EML4: variants seen among roughly 807,000 people sequenced by gnomAD.
The protein encoded by EML4 is echinoderm microtubule-associated protein-like 4.
A neutral mutation model predicts 129.0 loss-of-function variants in EML4; 72 were observed. The ratio of observed to expected loss-of-function variants is 0.56; its 90% CI spans 0.46 to 0.68. The LOEUF (loss-of-function observed/expected upper bound fraction) is 0.68. EML4 is among the 30% of genes least tolerant of loss of function. The pLI, the probability that EML4 is intolerant of heterozygous loss-of-function variation, is 0.00. For synonymous variants in EML4, 532 were observed against 405.0 expected (o/e 1.31, Z -3.77); for missense variants, 1,363 against 1,190.6 (o/e 1.14, Z -2.13).
At chr2:42,277,173 AC>A (rs1666703071) in intron 6 of EML4, among the ~76,000 whole-genome samples, 2 of 152,358 alleles carry the variant, frequency 1.3e-5, no homozygotes, top group South Asian at 4.1e-4. Context: ...TTTATGATGT[AC>A]ACCTCTGATA....
chr2:42,212,334 A>G (rs1482465290), intron 1 of EML4, among the ~76,000 whole-genome samples: 1 of 152,192 alleles, frequency 6.6e-6, no homozygotes, highest in East Asian at 1.9e-4. Context: ...TGAAATTTGA[A>G]CTAGTGTATA....
At position 42,332,320 on chromosome 2, in the gene EML4, G is replaced by A. The variant is rs947455311; in HGVS notation, c.*2113G>A. 1.0e-4 allele frequency: 22 copies of A among 210,804 alleles called. No individual in the cohort carries two copies. Among genetic ancestry groups the A allele is most frequent in the African/African-American group, 3.9e-4 (17 of 44,070 alleles). 13.1% of individuals were successfully genotyped at this position (210,804 alleles called of 1,614,324 possible). Reference sequence around the variant, plus strand: ...CTACTAATACGCAGGAAGCGTTCCAGCTATTTAATGCTGGCAACTACTGTT... The same window carrying A: ...CTACTAATACGCAGGAAGCGTTCCAACTATTTAATGCTGGCAACTACTGTT... On this transcript the variant is annotated 3_prime_UTR_variant, in exon 23 of 23. Transcript: ENST00000318522.
intron 13 of EML4, among the ~76,000 whole-genome samples, chr2:42,296,036 T>C (rs749776257): frequency 2.6e-5 from 4 of 152,232 alleles, no homozygotes; most frequent in Admixed American, 1.3e-4. Flanking sequence ...TCTTAAGTTT[T>C]ATTTGCACCC....
At chr2:42,300,085 A>T (rs1668195470) in intron 13 of EML4, among the ~76,000 whole-genome samples, 1 of 152,248 alleles carries the variant, frequency 6.6e-6, no homozygotes, top group African/African-American at 2.4e-5. Flanking sequence ...TTGTATAGAC[A>T]TACTGTGTTT....
chr2:42,280,430 C>T (rs1288340079), intron 6 of EML4, among the ~76,000 whole-genome samples: 2 of 152,162 alleles, frequency 1.3e-5, no homozygotes, highest in African/African-American at 4.8e-5. Flanking sequence ...GTTCTACATC[C>T]ACAGATTCAG....
intron 6 of EML4, among the ~76,000 whole-genome samples, chr2:42,279,526 T>C (rs1038188005): frequency 1.3e-5 from 2 of 151,950 alleles, no homozygotes; most frequent in East Asian, 1.9e-4. Context: ...GGCGCGATCT[T>C]GGCTCACTGC....
Position 42,315,859 on chromosome 2 carries a change from T to G in EML4, c.1968-103T>G, listed in dbSNP as rs960580288. On this transcript the variant is annotated intron_variant, in intron 17 of 22. Transcript: ENST00000318522. Reference sequence around the variant, plus strand: ...GATCACTCCATGCACACCAGCGTTATGACAAAGCAAGACTCCATCTCAAAA... The same window carrying G: ...GATCACTCCATGCACACCAGCGTTAGGACAAAGCAAGACTCCATCTCAAAA... The G allele has an allele frequency of 1.2e-4, 96 of 802,900 alleles. No homozygotes were observed. The East Asian group carries it at 2.4e-3, about 20-fold the overall frequency. The allele number at this position is 802,900 out of a possible 1,614,324, so 49.7% of individuals were successfully genotyped here. A position where few individuals can be genotyped will look rare whatever the true frequency, so the allele number is the denominator to read the frequency against.
chr2:42,198,900 G>T (rs1161642783), intron 1 of EML4, among the ~76,000 whole-genome samples: 1 of 152,218 alleles, frequency 6.6e-6, no homozygotes, highest in African/African-American at 2.4e-5. Context: ...AAGCTGGGCA[G>T]TCAAAATGTT....
chr2:42,281,632 A>G (rs1159350890), intron 7 of EML4, among the ~76,000 whole-genome samples: 1 of 152,216 alleles, frequency 6.6e-6, no homozygotes, highest in Non-Finnish European at 1.5e-5. Flanking sequence ...TTAATAACCC[A>G]TACCTCACAG....
At chr2:42,198,206 T>G (rs1672009590) in intron 1 of EML4, among the ~76,000 whole-genome samples, 3 of 152,212 alleles carry the variant, frequency 2.0e-5, no homozygotes, top group African/African-American at 7.2e-5. Context: ...GAGTCTGACT[T>G]AAAATTGAAT....
intron 1 of EML4, among the ~76,000 whole-genome samples, chr2:42,238,626 TA>T (rs1013770309): frequency 1.8e-5 from 2 of 111,930 alleles, no homozygotes; most frequent in African/African-American, 7.5e-5. Context: ...TTTTATTTTT[TA>T]TTTTTTTGGC....
intron 11 of EML4, among the ~76,000 whole-genome samples, chr2:42,294,109 T>A (rs1311371273): frequency 6.6e-6 from 1 of 152,246 alleles, no homozygotes; most frequent in Non-Finnish European, 1.5e-5. Context: ...GAATTATGAT[T>A]TACTGAAATT....
At chr2:42,252,353 T>C (rs1451311743) in intron 2 of EML4, among the ~76,000 whole-genome samples, 1 of 152,212 alleles carries the variant, frequency 6.6e-6, no homozygotes, top group Non-Finnish European at 1.5e-5. Flanking sequence ...ATTATGATGG[T>C]TTCCACCGTG....
chr2:42,240,972 C>G (rs1166610791), intron 1 of EML4, among the ~76,000 whole-genome samples: 1 of 152,038 alleles, frequency 6.6e-6, no homozygotes, highest in Non-Finnish European at 1.5e-5. Flanking sequence ...TGGCAAAACT[C>G]CATATCTACA....
chr2:42,212,509 T>C (rs923327497), intron 1 of EML4, among the ~76,000 whole-genome samples: 2 of 152,180 alleles, frequency 1.3e-5, no homozygotes, highest in Non-Finnish European at 2.9e-5. Context: ...TTTCATTGCA[T>C]GAAATAGAAT....
In EML4 at chr2:42,261,124, T is replaced by A. The variant is rs772913543; in HGVS notation, c.342T>A (p.Gly114=). 6.2e-7 allele frequency: 1 copy of A among 1,602,906 alleles called. No individual in the cohort carries two copies. Among genetic ancestry groups the A allele is most frequent in the African/African-American group, 1.3e-5 (1 of 74,150 alleles). Reference sequence around the variant, plus strand: ...CATGTTATACTTTATTTTACAGTGGTACAGAAAAAAAGAAAGAAAAACCAC... The same window carrying A: ...CATGTTATACTTTATTTTACAGTGGAACAGAAAAAAAGAAAGAAAAACCAC... ...KETLSSAAKS[G]TEKKKEKPQG... is the part of the protein sequence containing the mutation. The change falls in exon 4 of 23, where the codon GGT becomes GGA. Residue 114 remains glycine (G), a synonymous_variant. Coordinates refer to ENST00000318522, the MANE Select transcript of EML4 (RefSeq NM_019063.5).
chr2:42,268,014 T>C (rs1666159428), intron 6 of EML4, among the ~76,000 whole-genome samples: 1 of 152,226 alleles, frequency 6.6e-6, no homozygotes, highest in Non-Finnish European at 1.5e-5. Context: ...AGGCACCATG[T>C]ATAAAATTGC....
intron 1 of EML4, among the ~76,000 whole-genome samples, chr2:42,221,673 G>T (rs192623196): frequency 6.6e-6 from 1 of 151,700 alleles, no homozygotes; most frequent in African/African-American, 2.4e-5. Flanking sequence ...GCGTGATCTC[G>T]GCTCATCACA....
chr2:42,242,190 C>T (rs1675082283), intron 1 of EML4, among the ~76,000 whole-genome samples: 1 of 151,858 alleles, frequency 6.6e-6, no homozygotes, highest in Non-Finnish European at 1.5e-5. Context: ...AGCTGCCTTC[C>T]CAGAATAATT....
Sources: allele counts gnomAD v4.1 joint callset (sites outside exome capture counted in the v4.1 genomes callset), GRCh38; gene constraint gnomAD v4.1.1; transcripts MANE v1.5; gene names NCBI Gene and HGNC (gene_info 2026-07-23, HGNC 2026-07-21).